Variants in PARP10 observed in about 807,000 individuals in gnomAD.
The protein encoded by PARP10 is poly(ADP-ribose) polymerase family member 10.
A neutral mutation model predicts 82.4 loss-of-function variants in PARP10; 56 were observed. That is an observed-to-expected ratio of 0.68 (90% CI 0.55 to 0.85). The LOEUF (loss-of-function observed/expected upper bound fraction) is 0.85. PARP10 is among the 40% of genes least tolerant of loss of function. The probability of loss-of-function intolerance (pLI) is 0.00; values close to 1 mark genes in which losing one functional copy is unlikely to be tolerated. For missense variants in PARP10, 1,227 were observed against 1,379.4 expected, an observed-to-expected ratio of 0.89 and a Z score of 1.75; for synonymous variants, 576 against 601.1, an observed-to-expected ratio of 0.96 and a Z score of 0.61.
upstream of PARP10, chr8:143,992,428 G>A (rs1554750702): frequency 1.9e-6 from 3 of 1,613,400 alleles, no homozygotes; most frequent in Non-Finnish European, 8.5e-7. Context: ...AGCTTTCCCA[G>A]GCCCAGCCCC....
rs1201455388 is a variant in PARP10 at position 143,986,205 on chromosome 8, C to A, written c.31G>T (p.Val11Leu). MVAMAEAEAGVAVEVRGLPPA... is the reference protein window; with the variant it reads MVAMAEAEAGLAVEVRGLPPA... ...GGCAGTCCACGGACCTCCACTGCCA[C>A]CCCTGCCTCTGCCTCCGCCATTGCA... Residue 11 changes from valine to leucine, a missense_variant, in exon 2 of 11, where the codon GTG (valine) becomes TTG (leucine). Coordinates refer to ENST00000313028, the MANE Select transcript of PARP10 (RefSeq NM_032789.5). 6.2e-7 allele frequency: 1 copy of A among 1,613,956 alleles called. No individual in the cohort carries two copies. The highest frequency in any genetic ancestry group is 2.2e-5 in the East Asian group (1 of 44,868).
chr8:143,991,294 G>C (rs782051621), upstream of PARP10: 6 of 1,477,678 alleles, frequency 4.1e-6, no homozygotes, highest in Non-Finnish European at 5.5e-6. Flanking sequence ...TATCCGGGGG[G>C]GCCCCAGCCA....
In PARP10 at chr8:143,983,334, G is replaced by A; in HGVS notation, c.2255C>T (p.Ala752Val). The change falls in exon 8 of 11, where the codon GCT (alanine) becomes GTT (valine). Residue 752 changes from alanine (A) to valine (V), a missense_variant. Coordinates refer to ENST00000313028, the MANE Select transcript of PARP10 (RefSeq NM_032789.5). ...CACACCATGGCACCGCTCCAGGCGA[G>A]CACGCAGCTCTGCAGGCAGTGTGCG... Reference protein sequence around the residue: ...WRRTLPAELRARLERCHGVSV... With the variant: ...WRRTLPAELRVRLERCHGVSV... The A allele has an allele frequency of 6.2e-7, 1 of 1,610,762 alleles. No individual in the cohort carries two copies. The highest frequency in any genetic ancestry group is 8.5e-7 in the Non-Finnish European group (1 of 1,179,396).
chr8:143,997,790 T>C (rs545570874), intron 1 of PARP10, among the ~76,000 whole-genome samples: 1 of 151,974 alleles, frequency 6.6e-6, no homozygotes, highest in African/African-American at 2.4e-5. Flanking sequence ...CAAAATTCTT[T>C]TTTTTTTTTC....
At chr8:143,986,750 C>T (rs1587461963), upstream of PARP10, 1 of 348,454 alleles carries the variant, frequency 2.9e-6, no homozygotes, top group African/African-American at 2.1e-5. Context: ...CCCCACTAAA[C>T]CCACCAAGGG....
chr8:143,995,099 G>A (rs960655460), upstream of PARP10, among the ~76,000 whole-genome samples: 40 of 152,152 alleles, frequency 2.6e-4, 1 homozygote, highest in African/African-American at 7.7e-4. Context: ...CCAGAGGTGT[G>A]GGACAGGGCC....
At chr8:143,982,066 G>A (rs1455094119) in intron 9 of PARP10, among the ~76,000 whole-genome samples, 1 of 141,548 alleles carries the variant, frequency 7.1e-6, no homozygotes, top group African/African-American at 2.6e-5. Flanking sequence ...GGTGATGATG[G>A]TGGTGAGGTC....
Position 143,984,525 on chromosome 8 carries a change from G to T in PARP10, c.1458+19C>A, listed in dbSNP as rs781825791. 1 of 1,600,752 alleles carries T rather than the reference G, an allele frequency of 6.2e-7. No individual in the cohort carries two copies. Among genetic ancestry groups the T allele is most frequent in the South Asian group, 1.1e-5 (1 of 89,356 alleles). On this transcript the variant is annotated intron_variant, in intron 5 of 10. Transcript: ENST00000313028. ...AGGAGGAGGGGGCTGAAGGTGAGGAGTCCTGAGGGGTCACTCACCCGAAAG... is the reference window on the plus strand; with the variant it reads ...AGGAGGAGGGGGCTGAAGGTGAGGATTCCTGAGGGGTCACTCACCCGAAAG...
chr8:143,990,050 C>A (rs1374694015), upstream of PARP10: 1 of 151,416 alleles, frequency 6.6e-6, no homozygotes, highest in East Asian at 1.9e-4. The surrounding 1 kb of genome is among the most constrained non-coding windows in gnomAD (Gnocchi z 5.6). Flanking sequence ...CCTGCCCCGC[C>A]CCGTCACAAG....
intron 9 of PARP10, among the ~76,000 whole-genome samples, chr8:143,980,338 A>C (rs1198428428): frequency 1.4e-5 from 2 of 141,116 alleles, no homozygotes; most frequent in East Asian, 3.9e-4. Context: ...AAAAAAAAAA[A>C]AAAAAAAAAA....
In PARP10 at chr8:143,982,967, G is replaced by C. The variant is rs781945595; in HGVS notation, c.2521C>G (p.Leu841Val). ...CGGATGCTGCTGCGGGCAGCGTCCA[G>C]GGTGTCGTAGAAGGCCCGCACCACC... ...QEVVRAFYDT[L>V]DAARSSIRVV... The change falls in exon 9 of 11, where the codon CTG becomes GTG. Residue 841 changes from leucine to valine, a missense_variant. Physicochemically the swap from Leu to Val is conservative, Grantham distance 32. Coordinates refer to ENST00000313028, the MANE Select transcript of PARP10 (RefSeq NM_032789.5). The C allele has an allele frequency of 6.2e-7, 1 of 1,613,924 alleles. No individual in the cohort carries two copies. The highest frequency in any genetic ancestry group is 1.3e-5 in the African/African-American group (1 of 75,074).
At chr8:143,991,541 G>C, upstream of PARP10, 2 of 1,482,076 alleles carry the variant, frequency 1.3e-6, no homozygotes, top group Non-Finnish European at 1.9e-6. Context: ...CATATCCCCA[G>C]AGCCCCTTCC....
chr8:143,978,203 C>T, intron 9 of PARP10, 122 bp from the exon 10 acceptor site: 1 of 1,115,920 alleles, frequency 9.0e-7, no homozygotes, highest in Non-Finnish European at 1.2e-6. Flanking sequence ...TGAGGGAGCC[C>T]TTGCAGCCCC....
chr8:143,987,981 C>A (rs1554749752), upstream of PARP10, among the ~76,000 whole-genome samples: 1 of 151,428 alleles, frequency 6.6e-6, no homozygotes, highest in Non-Finnish European at 1.5e-5. Flanking sequence ...TGGCCCCATG[C>A]CCCCTGCACA....
intron 1 of PARP10, among the ~76,000 whole-genome samples, chr8:143,999,779 C>T (rs1432471339): frequency 1.3e-5 from 2 of 151,548 alleles, no homozygotes; most frequent in African/African-American, 4.9e-5. Context: ...TTAACTGAAA[C>T]CAAAAATTCA....
rs545572468 is a variant in PARP10 at position 144,006,534 on chromosome 8, A to T, written c.-80+5996T>A. ...CAACACGCAAGCGGAGTCTGAAGGA[A>T]GAGTAGGAATTAACCAAAGTTTGGG... On this transcript the variant is annotated intron_variant, in intron 1 of 3. Coordinates refer to the PARP10 transcript ENST00000530478. 7.9e-5 allele frequency among the ~76,000 whole-genome samples: 12 copies of T among 152,342 alleles called. No individual in the cohort carries two copies. In the South Asian group the frequency reaches 2.5e-3, roughly 32 times the overall value.
intron 1 of PARP10, among the ~76,000 whole-genome samples, chr8:144,012,260 G>C (rs6985603): frequency 0.44 from 67,502 of 152,178 alleles, 16,054 homozygotes; most frequent in African/African-American, 0.6. Flanking sequence ...TGAAGTTGGC[G>C]AGACAGAGAA....
chr8:143,999,831 A>G (rs1554751566), intron 1 of PARP10, among the ~76,000 whole-genome samples: 2 of 152,156 alleles, frequency 1.3e-5, no homozygotes, highest in African/African-American at 2.4e-5. Context: ...GAAGTGAACT[A>G]TTGGTGAACT....
upstream of PARP10, chr8:143,992,160 G>T (rs782500571): frequency 6.2e-6 from 10 of 1,603,080 alleles, no homozygotes; most frequent in East Asian, 4.5e-5. Context: ...GGTCACCGTG[G>T]TTCTCCTTGT....
Sources: allele counts gnomAD v4.1 joint callset (sites outside exome capture counted in the v4.1 genomes callset), GRCh38; gene constraint gnomAD v4.1.1; non-coding constraint Gnocchi (gnomAD v3.1); transcripts MANE v1.5; gene names NCBI Gene and HGNC (gene_info 2026-07-23, HGNC 2026-07-21).